Variants in CCSER1 observed in about 807,000 individuals in gnomAD.
The protein encoded by CCSER1 is coiled-coil serine rich protein 1.
Under a neutral mutation model 82.0 loss-of-function variants are expected in CCSER1, and 41 were observed. The ratio of observed to expected loss-of-function variants is 0.50; its 90% CI spans 0.39 to 0.65. The LOEUF is 0.65. CCSER1 is among the 30% of genes least tolerant of loss of function. CCSER1 has a pLI of 0.00. For synonymous variants in CCSER1, 414 were observed against 383.9 expected (o/e 1.08, Z -0.92); for missense variants, 1,119 against 1,064.2 (o/e 1.05, Z -0.72).
At position 90,460,216 on chromosome 4, in the gene CCSER1, A is replaced by T. The variant is rs1465153904; in HGVS notation, c.1604-8018A>T. Among the ~76,000 whole-genome samples the T allele has an allele frequency of 7.5e-5, 11 of 146,820 alleles. No homozygotes were observed. In the East Asian group the frequency reaches 1.4e-3, roughly 19 times the overall value. On this transcript the variant is annotated intron_variant, in intron 4 of 10. Coordinates refer to ENST00000509176, the MANE Select transcript of CCSER1 (RefSeq NM_001145065.2). The stretch of plus-strand genomic sequence containing the variant: ...GGCGCGTGCCTGTAGTCCCAGCTAC[A>T]CAGGAGGCTGAGGCAGGAGAATGGC...
intron 8 of CCSER1, among the ~76,000 whole-genome samples, chr4:90,872,004 C>G (rs1217779646): frequency 6.6e-6 from 1 of 151,316 alleles, no homozygotes; most frequent in Non-Finnish European, 1.5e-5. Flanking sequence ...TTCTGCTTTT[C>G]ATTTTCATGG....
At chr4:90,407,473 G>T (rs1379215601) in intron 4 of CCSER1, among the ~76,000 whole-genome samples, 1 of 142,404 alleles carries the variant, frequency 7.0e-6, no homozygotes, top group East Asian at 1.9e-4. Context: ...GAAAGATAGA[G>T]AAAGAGGGAA....
chr4:91,255,967 A>G (rs915107514), intron 10 of CCSER1, among the ~76,000 whole-genome samples: 1 of 152,204 alleles, frequency 6.6e-6, no homozygotes, highest in African/African-American at 2.4e-5. Context: ...AGGATAACAG[A>G]GATGTTCAGG....
chr4:91,133,189 T>C (rs114617797), intron 10 of CCSER1, among the ~76,000 whole-genome samples: 1,780 of 152,282 alleles, frequency 0.012, 28 homozygotes, highest in African/African-American at 0.04. Context: ...TTCTCTTCTC[T>C]TTTCTTCCCT....
intron 8 of CCSER1, among the ~76,000 whole-genome samples, chr4:90,914,715 G>GAAAAA (rs61366146): frequency 1.2e-4 from 16 of 128,622 alleles, no homozygotes; most frequent in African/African-American, 2.8e-4. Context: ...GCTTTTTATT[G>GAAAAA]AAAAAAAAAA....
rs1406114786 is a variant in CCSER1, at chr4:90,271,842, ATATATATATATATATATATATTT to A, written c.-41-36400_-41-36378del. Among the ~76,000 whole-genome samples the A allele has an allele frequency of 7.6e-3, 246 of 32,314 alleles. 14 individuals carry two copies. The highest frequency in any genetic ancestry group is 0.019 in the African/African-American group (184 of 9,478). The allele number at this position is 32,314 out of a possible 152,430, so 21.2% of individuals were successfully genotyped here. A position where few individuals can be genotyped will look rare whatever the true frequency, so the allele number is the denominator to read the frequency against. ...CTGGACAATTTATATATATATATATATATATATATATATATATATATTTTTTTTTTTTTTTTTTTTTTTTTTTT... is the reference window on the plus strand; with the variant it reads ...CTGGACAATTTATATATATATATATATTTTTTTTTTTTTTTTTTTTTTTTT... On this transcript the variant is annotated intron_variant, in intron 1 of 10. Coordinates refer to ENST00000509176, the MANE Select transcript of CCSER1 (RefSeq NM_001145065.2).
At chr4:90,409,113 A>G (rs1224110479) in intron 4 of CCSER1, among the ~76,000 whole-genome samples, 1 of 152,230 alleles carries the variant, frequency 6.6e-6, no homozygotes, top group Non-Finnish European at 1.5e-5. Flanking sequence ...AAAGCCTCCA[A>G]GAAATATGGG....
At chr4:90,972,386 G>A (rs2150401614) in intron 9 of CCSER1, among the ~76,000 whole-genome samples, 1 of 151,670 alleles carries the variant, frequency 6.6e-6, no homozygotes, top group South Asian at 2.1e-4. Flanking sequence ...TTAACAATTA[G>A]ATATCCAAAA....
At chr4:91,140,824 T>G (rs948681592) in intron 10 of CCSER1, among the ~76,000 whole-genome samples, 1 of 152,156 alleles carries the variant, frequency 6.6e-6, no homozygotes, top group African/African-American at 2.4e-5. Context: ...TCAACTTTAT[T>G]TTGGCTTCAG....
At chr4:91,506,594 AATTCTT>A (rs1207036064) in intron 10 of CCSER1, among the ~76,000 whole-genome samples, 1 of 152,018 alleles carries the variant, frequency 6.6e-6, no homozygotes, top group Non-Finnish European at 1.5e-5. Flanking sequence ...CATTTGTTTA[AATTCTT>A]ATTCTTATCA....
In CCSER1 at chr4:90,352,877, A is replaced by G. The variant is rs188955150; in HGVS notation, c.1509+39830A>G. Among the ~76,000 whole-genome samples the G allele has an allele frequency of 1.2e-3, 181 of 152,240 alleles. 1 individual carries two copies. Among genetic ancestry groups the G allele is most frequent in the Non-Finnish European group, 1.6e-3 (112 of 68,006 alleles). Reference sequence around the variant, plus strand: ...CTATGTGTTTCTTTAGATAATATTTAATTTGTTTAGCTTACTGCTCCCCAG... The same window carrying G: ...CTATGTGTTTCTTTAGATAATATTTGATTTGTTTAGCTTACTGCTCCCCAG... On this transcript the variant is annotated intron_variant, in intron 3 of 10. Transcript: ENST00000509176.
At chr4:90,512,562 G>A (rs1771686650) in intron 5 of CCSER1, among the ~76,000 whole-genome samples, 1 of 152,020 alleles carries the variant, frequency 6.6e-6, no homozygotes, top group Admixed American at 6.6e-5. Flanking sequence ...TCTGTAAGAT[G>A]GATAATGAGG....
intron 10 of CCSER1, among the ~76,000 whole-genome samples, chr4:91,569,893 A>G (rs911250410): frequency 6.6e-5 from 10 of 152,178 alleles, no homozygotes; most frequent in Non-Finnish European, 1.5e-4. Context: ...ATTCAAGTCC[A>G]AAGTCTCATG....
intron 1 of CCSER1, among the ~76,000 whole-genome samples, chr4:90,199,750 A>C (rs576554527): frequency 2.6e-3 from 402 of 152,240 alleles, no homozygotes; most frequent in African/African-American, 9.5e-3. Flanking sequence ...GGGTTACAAT[A>C]GATTTTGTGT....
intron 4 of CCSER1, among the ~76,000 whole-genome samples, chr4:90,424,733 T>C (rs972520276): frequency 1.3e-5 from 2 of 152,342 alleles, no homozygotes; most frequent in African/African-American, 2.4e-5. Context: ...TCAGTCCTCT[T>C]TCCTGATGTG....
intron 9 of CCSER1, among the ~76,000 whole-genome samples, chr4:91,002,514 T>C (rs556830824): frequency 1.6e-4 from 24 of 152,340 alleles, no homozygotes; most frequent in African/African-American, 5.5e-4. Flanking sequence ...CAGAAGTTCT[T>C]TATTCTGCTT....
intron 1 of CCSER1, among the ~76,000 whole-genome samples, chr4:90,292,712 T>C (rs1356004328): frequency 6.7e-6 from 1 of 149,494 alleles, no homozygotes. Flanking sequence ...TATACTCATA[T>C]TTTTTTTTTC....
chr4:90,944,341 C>T (rs1490807089), intron 9 of CCSER1, among the ~76,000 whole-genome samples: 1 of 151,914 alleles, frequency 6.6e-6, no homozygotes, highest in Non-Finnish European at 1.5e-5. Context: ...TACAAAAGAC[C>T]GCATTGTCAA....
At chr4:91,168,671 C>G (rs190191688) in intron 10 of CCSER1, among the ~76,000 whole-genome samples, 2,706 of 152,224 alleles carry the variant, frequency 0.018, 42 homozygotes, top group Non-Finnish European at 0.027. Flanking sequence ...CCCGACCGCC[C>G]CATCTGGGAG....
Sources: allele counts gnomAD v4.1 joint callset (sites outside exome capture counted in the v4.1 genomes callset), GRCh38; gene constraint gnomAD v4.1.1; transcripts MANE v1.5; gene names NCBI Gene and HGNC (gene_info 2026-07-23, HGNC 2026-07-21).